The following SOX5 variants were observed in gnomAD, a reference collection of about 807,000 sequenced individuals.
The protein encoded by SOX5 is SRY-box transcription factor 5.
Under a neutral mutation model 92.0 loss-of-function variants are expected in SOX5, and 9 were observed. The ratio of observed to expected loss-of-function variants is 0.10; its 90% CI spans 0.06 to 0.17. SOX5 has a LOEUF of 0.17. Among genes scored for constraint, SOX5 ranks in the 10% least tolerant of loss-of-function variants. The pLI, the probability that SOX5 is intolerant of heterozygous loss-of-function variation, is 1.00. For missense variants in SOX5, 642 were observed against 944.5 expected, an observed-to-expected ratio of 0.68 and a Z score of 4.20; for synonymous variants, 344 against 336.3, an observed-to-expected ratio of 1.02 and a Z score of -0.25.
At chr12:24,037,667 A>G (rs1956174414) in intron 4 of SOX5, among the ~76,000 whole-genome samples, 1 of 152,226 alleles carries the variant, frequency 6.6e-6, no homozygotes, top group Admixed American at 6.5e-5. Context: ...TCTTAAACTT[A>G]TTTCTATTCC....
intron 1 of SOX5, among the ~76,000 whole-genome samples, chr12:24,470,392 T>C (rs1944679327): frequency 6.6e-6 from 1 of 152,186 alleles, no homozygotes; most frequent in Non-Finnish European, 1.5e-5. Flanking sequence ...GAAGTAAATT[T>C]AGGCTAAATA....
At chr12:24,244,931 T>C (rs1457198770) in intron 3 of SOX5, among the ~76,000 whole-genome samples, 7 of 152,086 alleles carry the variant, frequency 4.6e-5, no homozygotes, top group Admixed American at 3.9e-4. Context: ...CTTCAGGTGA[T>C]TCAACCGCCT....
chr12:23,699,035 T>C (rs759847606), intron 6 of SOX5, among the ~76,000 whole-genome samples: 1 of 152,228 alleles, frequency 6.6e-6, no homozygotes, highest in Non-Finnish European at 1.5e-5. Flanking sequence ...TTTGGTAGTT[T>C]ACATACATAT....
At chr12:24,039,449 C>T (rs552577362) in intron 4 of SOX5, among the ~76,000 whole-genome samples, 2 of 152,144 alleles carry the variant, frequency 1.3e-5, no homozygotes, top group South Asian at 4.2e-4. Flanking sequence ...GGCTGTTCTT[C>T]AATTCATTGA....
intron 8 of SOX5, among the ~76,000 whole-genome samples, chr12:23,636,296 T>C (rs991602005): frequency 1.3e-5 from 2 of 152,190 alleles, no homozygotes; most frequent in African/African-American, 2.4e-5. Flanking sequence ...TTTAACTGCT[T>C]CTGAAAGTAC....
At chr12:24,122,668 T>G (rs1319868948) in intron 4 of SOX5, among the ~76,000 whole-genome samples, 1 of 152,200 alleles carries the variant, frequency 6.6e-6, no homozygotes, top group Non-Finnish European at 1.5e-5. Flanking sequence ...GTAGCTTTAT[T>G]GAATATTTAA....
chr12:24,550,371 C>A (rs1404180135), intron 1 of SOX5, among the ~76,000 whole-genome samples: 2 of 152,172 alleles, frequency 1.3e-5, no homozygotes, highest in African/African-American at 4.8e-5. Flanking sequence ...TCTGCTGGAT[C>A]TTCCTTATAA....
intron 1 of SOX5, among the ~76,000 whole-genome samples, chr12:24,425,705 G>T (rs1409086970): frequency 6.6e-6 from 1 of 152,110 alleles, no homozygotes; most frequent in Admixed American, 6.5e-5. Flanking sequence ...AAGTTGGGTG[G>T]TTTATGTCTT....
At chr12:23,895,623 T>C (rs2097169496) in intron 2 of SOX5, among the ~76,000 whole-genome samples, 170 bp downstream of exon 2, 1 of 152,222 alleles carries the variant, frequency 6.6e-6, no homozygotes, top group African/African-American at 2.4e-5. Flanking sequence ...CAGCGTATCT[T>C]ATGCTGCTTA....
At chr12:23,866,609 G>T (rs910335381) in intron 2 of SOX5, among the ~76,000 whole-genome samples, 10 of 152,122 alleles carry the variant, frequency 6.6e-5, no homozygotes, top group Admixed American at 5.9e-4. Context: ...AGCCTACAAC[G>T]TCTCCAAGAT....
intron 4 of SOX5, among the ~76,000 whole-genome samples, chr12:24,129,679 A>T (rs989744152): frequency 6.6e-6 from 1 of 152,222 alleles, no homozygotes; most frequent in Admixed American, 6.5e-5. Context: ...AGTCAACCAG[A>T]AGAATACAAA....
Position 23,570,964 on chromosome 12 carries a change from T to A in SOX5, c.1342+4697A>T, listed in dbSNP as rs1215369898. 1.4e-4 allele frequency among the ~76,000 whole-genome samples: 13 copies of A among 90,142 alleles called. 2 individuals are homozygous for A. Among genetic ancestry groups the A allele is most frequent in the South Asian group, 7.4e-4 (2 of 2,710 alleles). 59.1% of individuals were successfully genotyped at this position (90,142 alleles called of 152,430 possible). A position where few individuals can be genotyped will look rare whatever the true frequency, so the allele number is the denominator to read the frequency against. On this transcript the variant is annotated intron_variant, in intron 10 of 14. Coordinates refer to ENST00000451604, the MANE Select transcript of SOX5 (RefSeq NM_006940.6). ...ATATATATATATATATATATATATA[T>A]ATATATATATATATATATATTTTCA...
At chr12:24,031,799 G>A (rs1034737555) in intron 4 of SOX5, among the ~76,000 whole-genome samples, 1 of 151,686 alleles carries the variant, frequency 6.6e-6, no homozygotes, top group African/African-American at 2.4e-5. Flanking sequence ...TATGGCTGGA[G>A]ATAACAATGT....
intron 2 of SOX5, among the ~76,000 whole-genome samples, chr12:24,289,151 T>C (rs577758130): frequency 1.1e-4 from 16 of 152,098 alleles, no homozygotes; most frequent in African/African-American, 3.6e-4. Flanking sequence ...CATGGCGGCT[T>C]GCATCTGTGG....
intron 6 of SOX5, among the ~76,000 whole-genome samples, chr12:23,681,748 A>C (rs1301018160): frequency 1.3e-5 from 2 of 151,814 alleles, no homozygotes; most frequent in Non-Finnish European, 3.0e-5. Flanking sequence ...TTACTGCTTC[A>C]GCACTTTTCA....
At chr12:24,315,068 T>A (rs1455731860) in intron 2 of SOX5, among the ~76,000 whole-genome samples, 1 of 152,232 alleles carries the variant, frequency 6.6e-6, no homozygotes, top group East Asian at 1.9e-4. Context: ...GAACAAAGTC[T>A]TAACATAAAG....
intron 4 of SOX5, among the ~76,000 whole-genome samples, chr12:24,064,999 A>G (rs1940419297): frequency 6.6e-6 from 1 of 152,236 alleles, no homozygotes; most frequent in African/African-American, 2.4e-5. Flanking sequence ...ACTGGAAGGC[A>G]ATATCCTTAA....
chr12:24,165,090 T>G lies in SOX5; in HGVS notation c.-2+48253A>C, dbSNP rs112467023. Among the ~76,000 whole-genome samples the G allele has an allele frequency of 2.2e-3, 341 of 152,216 alleles. 2 individuals carry two copies. The highest frequency in any genetic ancestry group is 7.9e-3 in the African/African-American group (330 of 41,566). ...CAATGGGTACATAAACACAGTAACA[T>G]TCACATTTTCAAAGTGGTATTTCAA... On this transcript the variant is annotated intron_variant, in intron 4 of 4. Coordinates refer to the SOX5 transcript ENST00000446891.
chr12:23,755,925 T>C lies in SOX5; in HGVS notation c.482-201A>G, dbSNP rs142435940. 5.2e-3 allele frequency among the ~76,000 whole-genome samples: 785 copies of C among 151,968 alleles called. 10 individuals are homozygous for C. Among genetic ancestry groups the C allele is most frequent in the South Asian group, 0.023 (110 of 4,824 alleles). On this transcript the variant is annotated intron_variant, in intron 3 of 14. Coordinates refer to ENST00000451604, the MANE Select transcript of SOX5 (RefSeq NM_006940.6). ...TTTCAAAATCATTAGCTTTTTCCTCTTGCGGAACAAAGCCATACTGATTCT... is the reference window on the plus strand; with the variant it reads ...TTTCAAAATCATTAGCTTTTTCCTCCTGCGGAACAAAGCCATACTGATTCT...
Sources: gnomAD v4.1 joint callset for allele counts (sites outside exome capture counted in the v4.1 genomes callset) on GRCh38, gnomAD v4.1.1 for gene constraint, MANE v1.5 for transcripts, NCBI Gene and HGNC (gene_info 2026-07-23, HGNC 2026-07-21) for gene names.